The following TAFA2 variants were observed in gnomAD, a reference collection of about 807,000 sequenced individuals.
TAFA2 encodes the protein TAFA chemokine like family member 2.
In TAFA2, 7 loss-of-function variants were observed where a neutral mutation model predicts 18.8. That is an observed-to-expected ratio of 0.37 (90% confidence interval 0.21 to 0.70). The LOEUF is 0.70. Among genes scored for constraint, TAFA2 ranks in the 30% least tolerant of loss-of-function variants. The pLI is 0.53. For missense variants in TAFA2, 122 were observed against 158.1 expected (o/e 0.77, Z 1.23); for synonymous variants, 60 against 54.2 (o/e 1.11, Z -0.47).
At chr12:61,969,504 TG>T (rs1879173318) in intron 1 of TAFA2, among the ~76,000 whole-genome samples, 1 of 151,660 alleles carries the variant, frequency 6.6e-6, no homozygotes, top group African/African-American at 2.4e-5. Flanking sequence ...TTCGTCTGAG[TG>T]CCTAAATCTT....
rs777141389 is a variant in TAFA2 at position 62,146,130 on chromosome 12, G to A, written c.-2+45129C>T. Among the ~76,000 whole-genome samples, 5 of 152,152 alleles carry A rather than the reference G, an allele frequency of 3.3e-5. 1 individual carries two copies. The highest frequency in any genetic ancestry group is 4.2e-4 in the South Asian group (2 of 4,806). ...TCTATCCTGGAGTAACAGTTTCCCC[G>A]TCATGAAGGATCCCTCAAGTTTCTG... is the stretch of plus-strand genomic sequence containing the variant. On this transcript the variant is annotated intron_variant, in intron 1 of 4. Transcript: ENST00000416284.
intron 4 of TAFA2, among the ~76,000 whole-genome samples, chr12:61,748,001 G>A (rs1054287922): frequency 4.6e-5 from 7 of 152,048 alleles, no homozygotes; most frequent in South Asian, 2.1e-4. Context: ...AGTTAGCAGC[G>A]GCTATCAGTT....
chr12:62,201,122 G>C (rs1204296763), intron 1 of TAFA2, among the ~76,000 whole-genome samples: 1 of 152,160 alleles, frequency 6.6e-6, no homozygotes, highest in Non-Finnish European at 1.5e-5. Flanking sequence ...TTGCATATCA[G>C]CTTAAGAAGC....
chr12:61,755,803 C>T (rs947855190), intron 2 of TAFA2, among the ~76,000 whole-genome samples: 9 of 152,164 alleles, frequency 5.9e-5, no homozygotes, highest in African/African-American at 2.2e-4. Context: ...TTGGACCTTA[C>T]TCATCATATT....
At chr12:62,145,630 C>T (rs764738051) in intron 1 of TAFA2, 4 of 152,232 alleles carry the variant, frequency 2.6e-5, no homozygotes, top group Non-Finnish European at 4.4e-5. Context: ...CCTCCCTGTT[C>T]GGAGCCTCCG....
chr12:62,098,784 A>T (rs1869059543), intron 1 of TAFA2, among the ~76,000 whole-genome samples: 2 of 152,314 alleles, frequency 1.3e-5, no homozygotes, highest in South Asian at 2.1e-4. Flanking sequence ...AGACTTAAAG[A>T]TATTAAAATT....
chr12:62,003,392 C>T (rs886648826), intron 1 of TAFA2, among the ~76,000 whole-genome samples: 17 of 152,140 alleles, frequency 1.1e-4, no homozygotes, highest in African/African-American at 3.4e-4. Context: ...TTCCTCTATC[C>T]CATTAGACAA....
chr12:62,126,446 G>A (rs1176467516), intron 1 of TAFA2, among the ~76,000 whole-genome samples: 1 of 152,076 alleles, frequency 6.6e-6, no homozygotes, highest in African/African-American at 2.4e-5. Context: ...TAGAAATAGT[G>A]TCTCTTTCCA....
intron 1 of TAFA2, among the ~76,000 whole-genome samples, chr12:62,062,510 G>T (rs1299424229): frequency 6.6e-6 from 1 of 152,136 alleles, no homozygotes; most frequent in Non-Finnish European, 1.5e-5. Flanking sequence ...CCACTCTGAG[G>T]TTATATCTAA....
chr12:61,768,365 C>A (rs1162029856), intron 2 of TAFA2, among the ~76,000 whole-genome samples: 1 of 152,114 alleles, frequency 6.6e-6, no homozygotes, highest in Admixed American at 6.6e-5. Context: ...ATGGACAGAG[C>A]AGCTTGTGGA....
At chr12:62,174,896 G>T (rs886549900) in intron 1 of TAFA2, among the ~76,000 whole-genome samples, 2 of 152,068 alleles carry the variant, frequency 1.3e-5, no homozygotes, top group Non-Finnish European at 2.9e-5. Flanking sequence ...AGATCTATTT[G>T]TGTATATGTC....
chr12:62,219,587 G>T (rs768984750), intron 1 of TAFA2, among the ~76,000 whole-genome samples: 19 of 152,084 alleles, frequency 1.2e-4, no homozygotes, highest in Non-Finnish European at 2.2e-4. Context: ...TGTTATAAAA[G>T]AAACTTATTT....
chr12:61,747,020 A>G (rs1303128018), intron 4 of TAFA2, among the ~76,000 whole-genome samples: 1 of 152,136 alleles, frequency 6.6e-6, no homozygotes, highest in Non-Finnish European at 1.5e-5. Flanking sequence ...CAAATTTACA[A>G]GAAAAAAACA....
At chr12:62,235,430 T>G (rs910620043) in intron 1 of TAFA2, 9 of 649,830 alleles carry the variant, frequency 1.4e-5, no homozygotes, top group Non-Finnish European at 2.2e-5. Flanking sequence ...TGAGTTCTAC[T>G]TATCCTGGGC....
chr12:61,846,646 T>G (rs1873416987), intron 2 of TAFA2, among the ~76,000 whole-genome samples: 1 of 152,222 alleles, frequency 6.6e-6, no homozygotes, highest in Non-Finnish European at 1.5e-5. Context: ...ACTATTGTCT[T>G]TGCTTACATA....
Position 61,728,522 on chromosome 12 carries a change from T to C in TAFA2, c.385-18105A>G, listed in dbSNP as rs189835357. On this transcript the variant is annotated intron_variant, in intron 4 of 4. Transcript: ENST00000416284. ...TTAATTGTTGTTGCTTTAAAGTCTG[T>C]TTTGTCTGATATAAGAATAGCTATT... 3.6e-3 allele frequency among the ~76,000 whole-genome samples: 547 copies of C among 152,100 alleles called. 1 individual carries two copies. The highest frequency in any genetic ancestry group is 0.012 in the African/African-American group (498 of 41,520).
At chr12:62,090,215 A>G (rs1868651421) in intron 1 of TAFA2, among the ~76,000 whole-genome samples, 1 of 152,046 alleles carries the variant, frequency 6.6e-6, no homozygotes, top group African/African-American at 2.4e-5. Flanking sequence ...GCAGAGTTAA[A>G]CTCTTGGGGA....
chr12:61,737,103 T>C (rs1265015924), intron 4 of TAFA2, among the ~76,000 whole-genome samples: 1 of 151,806 alleles, frequency 6.6e-6, no homozygotes, highest in Non-Finnish European at 1.5e-5. Context: ...ACTACTACCT[T>C]TGAGATAAAA....
chr12:62,181,231 C>T (rs1176823800), intron 1 of TAFA2, among the ~76,000 whole-genome samples: 1 of 152,162 alleles, frequency 6.6e-6, no homozygotes, highest in Non-Finnish European at 1.5e-5. Flanking sequence ...AGAATTCTCC[C>T]TTCGGCATTG....
Sources: gnomAD v4.1 joint callset for allele counts (sites outside exome capture counted in the v4.1 genomes callset) on GRCh38, gnomAD v4.1.1 for gene constraint, MANE v1.5 for transcripts, NCBI Gene and HGNC (gene_info 2026-07-23, HGNC 2026-07-21) for gene names.